SGCD: variants seen among roughly 807,000 people sequenced by gnomAD.
The protein encoded by SGCD is delta-sarcoglycan.
Under a neutral mutation model 36.6 loss-of-function variants are expected in SGCD, and 18 were observed. That is an observed-to-expected ratio of 0.49 (90% CI 0.34 to 0.73). The LOEUF is 0.73. Among genes scored for constraint, SGCD ranks in the 30% least tolerant of loss-of-function variants. SGCD has a pLI of 0.01. For missense variants in SGCD, 387 were observed against 346.7 expected (o/e 1.12, Z -0.92); for synonymous variants, 133 against 130.6 (o/e 1.02, Z -0.12).
intron 4 of SGCD, among the ~76,000 whole-genome samples, chr5:156,558,877 C>T (rs746664389): frequency 5.9e-5 from 9 of 152,096 alleles, no homozygotes; most frequent in African/African-American, 1.2e-4. Flanking sequence ...AGTAAAAAGA[C>T]GATCAGGTGT....
chr5:156,526,833 G>C (rs1201154524), intron 4 of SGCD, among the ~76,000 whole-genome samples: 4 of 152,110 alleles, frequency 2.6e-5, no homozygotes, highest in Admixed American at 2.0e-4. Flanking sequence ...GTATTCAAAG[G>C]CTTTTGGCTG....
chr5:156,035,575 A>T (rs1759468850), intron 1 of SGCD, among the ~76,000 whole-genome samples: 1 of 152,172 alleles, frequency 6.6e-6, no homozygotes, highest in Non-Finnish European at 1.5e-5. Flanking sequence ...GTGCCACTGA[A>T]CTCCAGCTTG....
chr5:156,680,593 C>T (rs560395702), intron 7 of SGCD, among the ~76,000 whole-genome samples: 52 of 152,226 alleles, frequency 3.4e-4, no homozygotes, highest in African/African-American at 6.3e-4. Flanking sequence ...ATCTTACACA[C>T]GTTTAGATAT....
intron 1 of SGCD, among the ~76,000 whole-genome samples, chr5:155,921,340 G>A (rs145294212): frequency 5.7e-4 from 87 of 152,258 alleles, no homozygotes; most frequent in African/African-American, 2.0e-3. Context: ...CAAATAGGAC[G>A]CAGTGTGTAC....
At chr5:156,512,978 A>AT (rs1322509109) in intron 4 of SGCD, among the ~76,000 whole-genome samples, 1 of 151,952 alleles carries the variant, frequency 6.6e-6, no homozygotes, top group Non-Finnish European at 1.5e-5. Flanking sequence ...GGGGAGAGAT[A>AT]TTAGAAGTGG....
intron 4 of SGCD, among the ~76,000 whole-genome samples, chr5:156,571,531 C>G (rs1433571333): frequency 6.6e-6 from 1 of 152,136 alleles, no homozygotes; most frequent in Non-Finnish European, 1.5e-5. Context: ...CTCTCTCCCC[C>G]TGAATGTATA....
At chr5:156,116,836 C>T (rs1277401423) in intron 1 of SGCD, among the ~76,000 whole-genome samples, 5 of 152,098 alleles carry the variant, frequency 3.3e-5, no homozygotes, top group African/African-American at 1.2e-4. Context: ...CATACAAGCT[C>T]AATAAATAAT....
intron 3 of SGCD, among the ~76,000 whole-genome samples, chr5:156,506,418 G>C (rs957963373): frequency 2.0e-5 from 3 of 151,880 alleles, no homozygotes; most frequent in African/African-American, 7.3e-5. Context: ...CAGAAACAAA[G>C]GCTCATCCAG....
intron 3 of SGCD, among the ~76,000 whole-genome samples, chr5:156,208,549 A>T (rs1183287116): frequency 6.6e-6 from 1 of 152,228 alleles, no homozygotes; most frequent in Non-Finnish European, 1.5e-5. Context: ...ATTGGGGGTT[A>T]TCTGGTTTTA....
chr5:156,241,324 A>G (rs935179066), intron 3 of SGCD, among the ~76,000 whole-genome samples: 2 of 151,632 alleles, frequency 1.3e-5, no homozygotes, highest in Non-Finnish European at 2.9e-5. Flanking sequence ...GAACCAGTTG[A>G]AAGTTTGGAA....
chr5:156,628,261 C>A (rs1373251828), intron 6 of SGCD, among the ~76,000 whole-genome samples: 1 of 152,148 alleles, frequency 6.6e-6, no homozygotes, highest in Non-Finnish European at 1.5e-5. Flanking sequence ...TTTCACCAGA[C>A]CCTACCTCCA....
intron 3 of SGCD, among the ~76,000 whole-genome samples, chr5:156,281,103 A>G (rs573304528): frequency 6.6e-6 from 1 of 152,342 alleles, no homozygotes; most frequent in South Asian, 2.1e-4. Flanking sequence ...TTATACAGAC[A>G]TAAGTGAGAG....
chr5:156,582,983 A>G (rs141331929), intron 4 of SGCD, among the ~76,000 whole-genome samples: 12 of 152,324 alleles, frequency 7.9e-5, no homozygotes, highest in African/African-American at 2.6e-4. Flanking sequence ...CTACCCTCTT[A>G]TAGGATCCCC....
intron 3 of SGCD, among the ~76,000 whole-genome samples, chr5:156,210,004 G>T (rs1010441579): frequency 6.6e-6 from 1 of 152,172 alleles, no homozygotes; most frequent in East Asian, 1.9e-4. Context: ...TCCAGTATCA[G>T]GTCATCTCCT....
chr5:156,688,224 C>T (rs1184966493), intron 7 of SGCD, among the ~76,000 whole-genome samples: 1 of 152,040 alleles, frequency 6.6e-6, no homozygotes, highest in East Asian at 1.9e-4. Context: ...AATAATTATT[C>T]TAAACCAGTT....
chr5:156,297,231 G>A (rs1428254959), intron 3 of SGCD, among the ~76,000 whole-genome samples: 2 of 151,946 alleles, frequency 1.3e-5, no homozygotes, highest in African/African-American at 4.8e-5. Context: ...TCAGTGTGGC[G>A]ATTCCTCAGG....
chr5:156,594,874 T>G, intron 5 of SGCD, 58 bp from the exon 6 acceptor site: 1 of 1,175,430 alleles, frequency 8.5e-7, no homozygotes, highest in South Asian at 1.3e-5. Context: ...CTAATGGTGT[T>G]TTCTCTCTCT....
chr5:156,485,474 C>G (rs1254079584), intron 3 of SGCD, among the ~76,000 whole-genome samples: 1 of 151,928 alleles, frequency 6.6e-6, no homozygotes, highest in Non-Finnish European at 1.5e-5. Flanking sequence ...CCCAGCCTGG[C>G]CAACATGGTG....
At chr5:156,402,426 C>T (rs1772203356) in intron 3 of SGCD, among the ~76,000 whole-genome samples, 1 of 152,150 alleles carries the variant, frequency 6.6e-6, no homozygotes, top group South Asian at 2.1e-4. Context: ...AGGTTACGTG[C>T]AAAAGAGAAA....
Sources: allele counts gnomAD v4.1 joint callset (sites outside exome capture counted in the v4.1 genomes callset), GRCh38; gene constraint gnomAD v4.1.1; transcripts MANE v1.5; gene names NCBI Gene and HGNC (gene_info 2026-07-23, HGNC 2026-07-21).